Variants in PCDHGA5 observed in about 807,000 individuals in gnomAD.
PCDHGA5 encodes protocadherin gamma subfamily A, 5.
In PCDHGA5, 36 loss-of-function variants were observed where a neutral mutation model predicts 56.7. The ratio of observed to expected loss-of-function variants is 0.64; its 90% CI spans 0.49 to 0.84. The LOEUF is 0.84. Among genes scored for constraint, PCDHGA5 ranks in the 40% least tolerant of loss-of-function variants. The pLI is 0.00. For missense variants in PCDHGA5, 1,305 were observed against 1,201.5 expected (o/e 1.09, Z -1.27); for synonymous variants, 563 against 520.2 (o/e 1.08, Z -1.12).
chr5:141,432,427 C>G lies in PCDHGA5; in HGVS notation c.2422-62380C>G. 5 of 1,614,242 alleles carry G rather than the reference C, an allele frequency of 3.1e-6. No homozygotes were observed. The highest frequency in any genetic ancestry group is 4.2e-6 in the Non-Finnish European group (5 of 1,180,036). On this transcript the variant is annotated intron_variant, in intron 1 of 3. Transcript: ENST00000518069. The surrounding 1 kb of genome is among the most constrained non-coding windows in gnomAD (Gnocchi z 6.0). ...TGAGCCTGTTCGTGCTGGACCAGAA[C>G]GACAATGCGCCCGAGATCCTGTACC... is the stretch of plus-strand genomic sequence containing the variant.
intron 1 of PCDHGA5, chr5:141,384,125 A>T (rs376990785): frequency 1.2e-6 from 2 of 1,610,814 alleles, no homozygotes; most frequent in Non-Finnish European, 1.7e-6. Flanking sequence ...ACAACCAAAA[A>T]CTTGGACCGG....
At chr5:141,383,574 C>CG in intron 1 of PCDHGA5, 1 of 1,613,366 alleles carries the variant, frequency 6.2e-7, no homozygotes, top group African/African-American at 1.3e-5. Flanking sequence ...GATCCAGCAC[C>CG]GCCCACATCC....
At chr5:141,508,483 G>T (rs1186425031) in intron 3 of PCDHGA5, among the ~76,000 whole-genome samples, 2 of 152,154 alleles carry the variant, frequency 1.3e-5, no homozygotes, top group East Asian at 3.9e-4. Context: ...TTACATTCTG[G>T]ATTTCCATAT....
intron 1 of PCDHGA5, among the ~76,000 whole-genome samples, chr5:141,492,108 C>T (rs1331001233): frequency 2.6e-5 from 4 of 152,232 alleles, no homozygotes; most frequent in African/African-American, 9.6e-5. Flanking sequence ...TAGATTTCCT[C>T]TTCGATTTCT....
intron 1 of PCDHGA5, chr5:141,404,901 G>A: frequency 6.2e-7 from 1 of 1,613,848 alleles, no homozygotes; most frequent in African/African-American, 1.3e-5. Flanking sequence ...CAGGACCATG[G>A]CCAGCCCCCT....
At position 141,366,436 on chromosome 5, in the gene PCDHGA5, C is replaced by T. The variant is rs757760710; in HGVS notation, c.2106C>T (p.Cys702=). The change falls in exon 1 of 4, where the codon TGC becomes TGT. Residue 702 remains cysteine (C), a synonymous_variant. Coordinates refer to ENST00000518069, the MANE Select transcript of PCDHGA5 (RefSeq NM_018918.3). ...TGGTGGCAGTGGCTGCAGTCTCCTG[C>T]GTCTTCCTGGCCTTCGTCATCGTGC... The part of the protein sequence containing the change: ...YLVVAVAAVS[C]VFLAFVIVLL... 1.9e-6 allele frequency: 3 copies of T among 1,614,076 alleles called. No homozygotes were observed. The highest frequency in any genetic ancestry group is 1.3e-5 in the African/African-American group (1 of 74,954).
intron 1 of PCDHGA5, chr5:141,418,840 C>T: frequency 6.2e-7 from 1 of 1,614,006 alleles, no homozygotes; most frequent in Middle Eastern, 1.6e-4. Context: ...GAGGATCTCT[C>T]TCAACACGGT....
In PCDHGA5 at chr5:141,404,331, A is replaced by G. The variant is rs201757016; in HGVS notation, c.2421+37580A>G. On this transcript the variant is annotated intron_variant, in intron 1 of 3. Coordinates refer to ENST00000518069, the MANE Select transcript of PCDHGA5 (RefSeq NM_018918.3). ...TTCTCTCAAGCCTCCTACTCAGTCT[A>G]CCTCCCGGAAAACAACGCCAGAGGT... 101 of 1,613,692 alleles carry G rather than the reference A, an allele frequency of 6.3e-5. 1 individual carries two copies. The highest frequency in any genetic ancestry group is 6.0e-4 in the African/African-American group (45 of 74,944).
chr5:141,422,633 G>T lies in PCDHGA5; in HGVS notation c.2421+55882G>T, dbSNP rs769515606. 10 of 1,613,120 alleles carry T rather than the reference G, an allele frequency of 6.2e-6. No individual in the cohort carries two copies. In the East Asian group the frequency reaches 2.0e-4, roughly 32 times the overall value. ...TACATTCCCGAAAACAACCCCAGGG[G>T]TGCCTCCATCTTCTCAGTGACCGCC... On this transcript the variant is annotated intron_variant, in intron 1 of 3. Coordinates refer to ENST00000518069, the MANE Select transcript of PCDHGA5 (RefSeq NM_018918.3).
intron 1 of PCDHGA5, chr5:141,403,467 T>G: frequency 6.2e-7 from 1 of 1,614,020 alleles, no homozygotes; most frequent in Non-Finnish European, 8.5e-7. Context: ...AGCTACCAGC[T>G]CAGCCCCAAT....
chr5:141,470,837 G>A (rs932315417), intron 1 of PCDHGA5, among the ~76,000 whole-genome samples: 4 of 151,948 alleles, frequency 2.6e-5, no homozygotes, highest in Non-Finnish European at 4.4e-5. Flanking sequence ...ACAAACACAC[G>A]CCACCATGCT....
intron 1 of PCDHGA5, chr5:141,392,918 G>T (rs1177755274): frequency 1.2e-6 from 2 of 1,613,794 alleles, no homozygotes; most frequent in African/African-American, 2.7e-5. Flanking sequence ...GCTACTCTGT[G>T]CCAGAAGAGA....
chr5:141,449,588 CAAAAAA>C (rs768743917), intron 1 of PCDHGA5, among the ~76,000 whole-genome samples: 1 of 57,492 alleles, frequency 1.7e-5, no homozygotes, highest in Admixed American at 1.8e-4. Flanking sequence ...GACTCTGTCT[CAAAAAA>C]AAAAAAAAAA....
intron 1 of PCDHGA5, chr5:141,415,512 T>G (rs997659180): frequency 3.1e-6 from 5 of 1,614,234 alleles, no homozygotes; most frequent in Non-Finnish European, 4.2e-6. Context: ...AGCCCAATTA[T>G]GCGGACACGC....
At chr5:141,404,520 A>C (rs1483361714) in intron 1 of PCDHGA5, 2 of 1,613,916 alleles carry the variant, frequency 1.2e-6, no homozygotes, top group Non-Finnish European at 1.7e-6. Context: ...TTTGACTATG[A>C]GCAGTTTAGA....
At chr5:141,492,553 G>A (rs1184580300) in intron 1 of PCDHGA5, among the ~76,000 whole-genome samples, 1 of 152,148 alleles carries the variant, frequency 6.6e-6, no homozygotes, top group Non-Finnish European at 1.5e-5. Flanking sequence ...CGGGTCGCCT[G>A]GGGGGCGGCC....
At chr5:141,495,175 C>T (rs1337353259) in intron 2 of PCDHGA5, among the ~76,000 whole-genome samples, 1 of 152,182 alleles carries the variant, frequency 6.6e-6, no homozygotes, top group Admixed American at 6.5e-5. Context: ...TGGGTGAAAG[C>T]GAGGCTTTCT....
Position 141,502,866 on chromosome 5 carries a change from C to CTTTTTTTTTTTTT in PCDHGA5, c.2481-2525_2481-2513dup, listed in dbSNP as rs549047197. ...GAGCTGCCTAACCCTGACTCTCTGT[C>CTTTTTTTTTTTTT]TTTTTTTTTTTTTTGACAGGGAGTC... On this transcript the variant is annotated intron_variant, in intron 2 of 3. Transcript: ENST00000518069. Among the ~76,000 whole-genome samples, 40 of 128,010 alleles carry CTTTTTTTTTTTTT rather than the reference C, an allele frequency of 3.1e-4. 6 individuals carry two copies. The highest frequency in any genetic ancestry group is 5.1e-4 in the Admixed American group (6 of 11,656). 84.0% of individuals were successfully genotyped at this position (128,010 alleles called of 152,430 possible). A position where few individuals can be genotyped will look rare whatever the true frequency, so the allele number is the denominator to read the frequency against.
intron 1 of PCDHGA5, chr5:141,389,731 G>A: frequency 6.2e-7 from 1 of 1,612,688 alleles, no homozygotes; most frequent in Non-Finnish European, 8.5e-7. Flanking sequence ...GGGCTCTTCA[G>A]CCTGGGGCTG....
Sources: gnomAD v4.1 joint callset for allele counts (sites outside exome capture counted in the v4.1 genomes callset) on GRCh38, gnomAD v4.1.1 for gene constraint, Gnocchi (gnomAD v3.1) non-coding constraint, MANE v1.5 for transcripts, NCBI Gene and HGNC (gene_info 2026-07-23, HGNC 2026-07-21) for gene names.